GRID2: variants seen among roughly 807,000 people sequenced by gnomAD.
GRID2 encodes the protein glutamate ionotropic receptor delta type subunit 2, also known as glutamate receptor ionotropic, delta-2.
In GRID2, 33 loss-of-function variants were observed where a neutral mutation model predicts 114.8. The ratio of observed to expected loss-of-function variants is 0.29; its 90% CI spans 0.22 to 0.38. The LOEUF is 0.38. Among genes scored for constraint, GRID2 ranks in the 10% least tolerant of loss-of-function variants. GRID2 has a pLI of 1.00. For synonymous variants in GRID2, 505 were observed against 449.9 expected (o/e 1.12, Z -1.55); for missense variants, 1,184 against 1,257.7 (o/e 0.94, Z 0.89).
At chr4:93,777,053 C>T (rs1734384101), downstream of GRID2, among the ~76,000 whole-genome samples, 1 of 152,150 alleles carries the variant, frequency 6.6e-6, no homozygotes, top group Admixed American at 6.5e-5. Context: ...ATCTAAGACA[C>T]AGGATGCAGT....
chr4:92,717,500 C>T (rs1735607978), intron 2 of GRID2, among the ~76,000 whole-genome samples: 1 of 152,050 alleles, frequency 6.6e-6, no homozygotes, highest in Non-Finnish European at 1.5e-5. Context: ...ATATGCTAAC[C>T]CATTTAGTTA....
chr4:92,530,909 C>T (rs548710153), intron 1 of GRID2, among the ~76,000 whole-genome samples: 3 of 148,960 alleles, frequency 2.0e-5, no homozygotes, highest in South Asian at 4.3e-4. Context: ...TCCATCTTGG[C>T]GGGGGGGGAG....
intron 13 of GRID2, among the ~76,000 whole-genome samples, chr4:93,542,459 A>G (rs1560733209): frequency 1.3e-5 from 2 of 152,210 alleles, no homozygotes; most frequent in Non-Finnish European, 1.5e-5. Context: ...GATCGCCAGT[A>G]TTAAACCACA....
At chr4:92,529,232 A>G (rs1453652624) in intron 1 of GRID2, among the ~76,000 whole-genome samples, 1 of 152,060 alleles carries the variant, frequency 6.6e-6, no homozygotes, top group African/African-American at 2.4e-5. Flanking sequence ...AAGTTTTGGC[A>G]ATAACCAGAT....
intron 2 of GRID2, among the ~76,000 whole-genome samples, chr4:93,057,463 A>G (rs2149288566): frequency 6.6e-6 from 1 of 151,996 alleles, no homozygotes; most frequent in Non-Finnish European, 1.5e-5. Flanking sequence ...TGGTCACAAA[A>G]TGGCTGCAGC....
intron 4 of GRID2, among the ~76,000 whole-genome samples, chr4:93,140,454 G>A (rs1041772860): frequency 6.6e-6 from 1 of 152,028 alleles, no homozygotes; most frequent in Non-Finnish European, 1.5e-5. Flanking sequence ...CACCGCGCCC[G>A]GCTGGAATCC....
At chr4:93,200,624 A>C (rs1742002658) in intron 4 of GRID2, among the ~76,000 whole-genome samples, 1 of 152,224 alleles carries the variant, frequency 6.6e-6, no homozygotes, top group Non-Finnish European at 1.5e-5. Flanking sequence ...GTGTCATATA[A>C]AATACAGTAA....
At position 92,920,967 on chromosome 4, in the gene GRID2, A is replaced by T. The variant is rs377577315; in HGVS notation, c.245-164028A>T. ...TTTTCCAACTTGGTTCCATTCTCCCAGTCACTTTCAGGTACACCAATCAGA... is the reference window on the plus strand; with the variant it reads ...TTTTCCAACTTGGTTCCATTCTCCCTGTCACTTTCAGGTACACCAATCAGA... On this transcript the variant is annotated intron_variant, in intron 2 of 15. Transcript: ENST00000282020. Among the ~76,000 whole-genome samples, 85 of 152,166 alleles carry T rather than the reference A, an allele frequency of 5.6e-4. 2 individuals are homozygous for T. The South Asian group carries it at 7.3e-3, about 13-fold the overall frequency.
At chr4:92,923,794 T>C (rs1168269130) in intron 2 of GRID2, among the ~76,000 whole-genome samples, 6 of 152,050 alleles carry the variant, frequency 3.9e-5, no homozygotes, top group Admixed American at 1.3e-4. Context: ...ATTGAAATTA[T>C]TCAGTCCTCC....
At chr4:93,697,381 C>T (rs1386959672) in intron 14 of GRID2, among the ~76,000 whole-genome samples, 2 of 152,102 alleles carry the variant, frequency 1.3e-5, no homozygotes, top group African/African-American at 2.4e-5. Context: ...TTGTGGGCTA[C>T]ACATCAAGTT....
At chr4:92,991,771 A>G (rs1411308172) in intron 2 of GRID2, among the ~76,000 whole-genome samples, 1 of 152,196 alleles carries the variant, frequency 6.6e-6, no homozygotes, top group Non-Finnish European at 1.5e-5. Context: ...TGACAGCTGC[A>G]CCTGCGAGTA....
intron 14 of GRID2, among the ~76,000 whole-genome samples, chr4:93,710,740 T>C (rs1172253948): frequency 5.3e-5 from 8 of 152,166 alleles, no homozygotes; most frequent in Non-Finnish European, 7.3e-5. Context: ...TTGAGAACTT[T>C]AGAAATCTAT....
At chr4:92,697,245 T>C (rs1734460548) in intron 2 of GRID2, among the ~76,000 whole-genome samples, 1 of 152,132 alleles carries the variant, frequency 6.6e-6, no homozygotes, top group African/African-American at 2.4e-5. Flanking sequence ...GGAAGGCTTT[T>C]TGGAGTAGGT....
intron 8 of GRID2, among the ~76,000 whole-genome samples, chr4:93,382,179 C>G (rs1463932370): frequency 6.6e-6 from 1 of 151,950 alleles, no homozygotes. Flanking sequence ...TTTTGATATT[C>G]TCTTTTTTGT....
intron 2 of GRID2, among the ~76,000 whole-genome samples, chr4:92,895,329 A>G (rs1049352672): frequency 6.7e-5 from 10 of 148,160 alleles, no homozygotes; most frequent in African/African-American, 2.6e-4. Flanking sequence ...TAAAGAAAGA[A>G]TGTTTTGCTT....
intron 11 of GRID2, among the ~76,000 whole-genome samples, chr4:93,483,767 G>T (rs1726099628): frequency 6.6e-6 from 1 of 151,974 alleles, no homozygotes; most frequent in East Asian, 1.9e-4. Flanking sequence ...AAACAGAGGG[G>T]TCCTTTGGAA....
intron 2 of GRID2, among the ~76,000 whole-genome samples, chr4:92,871,253 T>A (rs2149446306): frequency 6.6e-6 from 1 of 152,282 alleles, no homozygotes; most frequent in African/African-American, 2.4e-5. Context: ...TATTTACTTT[T>A]TTTTTTTAAA....
chr4:93,073,889 G>A (rs1175115590), intron 2 of GRID2, among the ~76,000 whole-genome samples: 2 of 152,182 alleles, frequency 1.3e-5, no homozygotes, highest in African/African-American at 4.8e-5. Flanking sequence ...GGCCCAAGTT[G>A]CACATGACCT....
chr4:92,464,748 G>A (rs183844134), intron 1 of GRID2, among the ~76,000 whole-genome samples: 163 of 152,110 alleles, frequency 1.1e-3, no homozygotes, highest in Non-Finnish European at 2.2e-3. Flanking sequence ...AATTAAGAAA[G>A]GATTTATAAA....
Sources: gnomAD v4.1 joint callset for allele counts (sites outside exome capture counted in the v4.1 genomes callset) on GRCh38, gnomAD v4.1.1 for gene constraint, MANE v1.5 for transcripts, NCBI Gene and HGNC (gene_info 2026-07-23, HGNC 2026-07-21) for gene names.